THAP4: variants seen among roughly 807,000 people sequenced by gnomAD.
THAP4 encodes peroxynitrite isomerase THAP4.
In THAP4, 18 loss-of-function variants were observed where a neutral mutation model predicts 48.1. The observed-to-expected ratio is 0.37, with a 90% CI of 0.26 to 0.56. The LOEUF (loss-of-function observed/expected upper bound fraction) is 0.56, where lower values mean the gene tolerates loss of function less well. THAP4 is among the 20% of genes least tolerant of loss of function. THAP4 has a pLI of 0.78. For synonymous variants in THAP4, 345 were observed against 324.9 expected (o/e 1.06, Z -0.66); for missense variants, 656 against 774.9 (o/e 0.85, Z 1.82).
chr2:241,590,011 C>T (rs1467952536), intron 5 of THAP4, among the ~76,000 whole-genome samples: 3 of 151,752 alleles, frequency 2.0e-5, no homozygotes, highest in South Asian at 2.1e-4. Context: ...CACTAGGACA[C>T]TCAGAGCTGC....
chr2:241,599,545 G>A (rs2067088006), intron 5 of THAP4, among the ~76,000 whole-genome samples: 1 of 152,076 alleles, frequency 6.6e-6, no homozygotes, highest in Non-Finnish European at 1.5e-5. Flanking sequence ...AAACACTTGA[G>A]TTTACCCTAA....
chr2:241,629,885 G>A (rs992885636), intron 2 of THAP4, among the ~76,000 whole-genome samples: 1 of 151,858 alleles, frequency 6.6e-6, no homozygotes, highest in Non-Finnish European at 1.5e-5. Context: ...CAAGAAGCTA[G>A]GGAACGCTCT....
intron 2 of THAP4, among the ~76,000 whole-genome samples, chr2:241,620,146 G>T (rs1438904000): frequency 1.0e-5 from 1 of 98,470 alleles, no homozygotes. Context: ...GAGGGGTGAG[G>T]GGTGAGTGAG....
At chr2:241,617,492 C>T in intron 2 of THAP4, 1 of 1,545,748 alleles carries the variant, frequency 6.5e-7, no homozygotes, top group Non-Finnish European at 8.7e-7. Context: ...GAAATGTTTG[C>T]ACCTGGCTCT....
chr2:241,630,841 C>T (rs2067548854), intron 2 of THAP4, among the ~76,000 whole-genome samples: 1 of 149,746 alleles, frequency 6.7e-6, no homozygotes, highest in Non-Finnish European at 1.5e-5. Context: ...CTGTAGCCAA[C>T]ATGGTGAAAC....
rs189948252 is a variant in THAP4, at chr2:241,601,562, T to C, written c.1614+334A>G. Among the ~76,000 whole-genome samples the C allele has an allele frequency of 2.0e-5, 3 of 152,286 alleles. No homozygotes were observed. The highest frequency in any genetic ancestry group is 2.1e-4 in the South Asian group (1 of 4,826). ...CTAACAGTGTGTATCAAATTTAAAA[T>C]GTACCTGTCCTTTGATCCAGCAATT... On this transcript the variant is annotated intron_variant, in intron 5 of 5. Transcript: ENST00000407315. The surrounding 1 kb of genome is among the most constrained non-coding windows in gnomAD (Gnocchi z 4.0).
In THAP4 at chr2:241,601,480, G is replaced by A. The variant is rs2067112157; in HGVS notation, c.1614+416C>T. 6.6e-6 allele frequency among the ~76,000 whole-genome samples: 1 copy of A among 152,102 alleles called. No homozygotes were observed. Among genetic ancestry groups the A allele is most frequent in the South Asian group, 2.1e-4 (1 of 4,832 alleles). On this transcript the variant is annotated intron_variant, in intron 5 of 5. Coordinates refer to ENST00000407315, the MANE Select transcript of THAP4 (RefSeq NM_015963.6). This position sits in a 1 kb window ranked among gnomAD's most constrained non-coding sequence, Gnocchi z 4.0. Reference sequence around the variant, plus strand: ...AATACACCATGTTGTTAAGGAGTAGGGAACCAGCTGCCCTCATGCAAGAGA... The same window carrying A: ...AATACACCATGTTGTTAAGGAGTAGAGAACCAGCTGCCCTCATGCAAGAGA...
At chr2:241,617,585 G>A in intron 2 of THAP4, 3 of 938,942 alleles carry the variant, frequency 3.2e-6, no homozygotes, top group South Asian at 3.2e-5. Flanking sequence ...TCACGTCTCA[G>A]AAGAAAGTAA....
intron 2 of THAP4, among the ~76,000 whole-genome samples, chr2:241,613,291 C>T (rs1373717429): frequency 6.8e-6 from 1 of 146,190 alleles, no homozygotes; most frequent in Non-Finnish European, 1.5e-5. Flanking sequence ...AAAAAAAAAG[C>T]GGTTATAGAA....
intron 2 of THAP4, among the ~76,000 whole-genome samples, chr2:241,624,895 G>A (rs1428937174): frequency 2.6e-5 from 4 of 152,180 alleles, no homozygotes; most frequent in Non-Finnish European, 4.4e-5. Context: ...ACGGAAGGTG[G>A]TCGGAGCGCC....
At position 241,636,386 on chromosome 2, in the gene THAP4, G is replaced by A. The variant is rs146291780; in HGVS notation, c.77+555C>T. On this transcript the variant is annotated intron_variant, in intron 1 of 5. Transcript: ENST00000407315. ...TAGAGGGGTTTGGGCCCTGCCGCGG[G>A]GGCCCACGTGGGAAGCGGCCGAGAG... 5.8e-4 allele frequency among the ~76,000 whole-genome samples: 88 copies of A among 152,364 alleles called. 5 individuals carry two copies. The East Asian group carries it at 0.017, about 29-fold the overall frequency.
chr2:241,632,191 C>A (rs2125099332), intron 2 of THAP4, among the ~76,000 whole-genome samples: 2 of 152,248 alleles, frequency 1.3e-5, no homozygotes, highest in South Asian at 4.1e-4. Context: ...CTCCCAGGTT[C>A]AAGCAATCCA....
chr2:241,594,673 G>A (rs1284238209), intron 5 of THAP4: 5 of 224,836 alleles, frequency 2.2e-5, no homozygotes, highest in African/African-American at 4.6e-5. Context: ...TGGGAGGATC[G>A]CTCAAGCCTG....
At chr2:241,614,423 A>T (rs1236418593) in intron 2 of THAP4, among the ~76,000 whole-genome samples, 1 of 152,244 alleles carries the variant, frequency 6.6e-6, no homozygotes, top group African/African-American at 2.4e-5. Flanking sequence ...GCACAGCAAC[A>T]TCTATAAAGC....
Position 241,601,899 on chromosome 2 carries a change from C to G in THAP4, c.1611G>C (p.Glu537Asp). The G allele has an allele frequency of 6.2e-7, 1 of 1,614,006 alleles. No individual in the cohort carries two copies. Among genetic ancestry groups the G allele is most frequent in the Non-Finnish European group, 8.5e-7 (1 of 1,180,024 alleles). ...RISFAKEPHV[E>D]QITRKFRLNS... ...CTGGGAGCAGGGCTGGGCTCACCTG[C>G]TCTACGTGGGGCTCCTTGGCGAAGG... The change falls in exon 5 of 6, where the codon GAG becomes GAC. Residue 537 changes from glutamate to aspartate, a missense_variant. Glu to Asp is a conservative substitution (Grantham distance 45). This residue lies in a region of THAP4 where 176 missense variants were observed against 256.7 expected (regional missense o/e 0.69). Transcript: ENST00000407315. The surrounding 1 kb of genome is among the most constrained non-coding windows in gnomAD (Gnocchi z 4.0).
At chr2:241,602,056 C>A in intron 4 of THAP4, 57 bp from the exon 5 acceptor site, 1 of 1,536,858 alleles carries the variant, frequency 6.5e-7, no homozygotes, top group Admixed American at 1.7e-5. Flanking sequence ...AGAGAGGCAG[C>A]CTTGACTCTC....
upstream of THAP4, chr2:241,637,336 C>A (rs1559240469): frequency 1.6e-6 from 2 of 1,276,204 alleles, no homozygotes; most frequent in South Asian, 1.4e-5. Flanking sequence ...CGTACCGCGA[C>A]ATGGGCGCGC....
intron 1 of THAP4, among the ~76,000 whole-genome samples, chr2:241,634,655 T>A (rs915638205): frequency 2.0e-5 from 3 of 152,212 alleles, no homozygotes; most frequent in Non-Finnish European, 4.4e-5. Context: ...ATGCTCCTTT[T>A]AAAAGTCAAC....
intron 5 of THAP4, among the ~76,000 whole-genome samples, chr2:241,595,484 T>G (rs940952048): frequency 1.3e-5 from 2 of 151,476 alleles, no homozygotes; most frequent in African/African-American, 4.8e-5. Flanking sequence ...ATAAAAATAT[T>G]AAATTAGCCC....
Sources: gnomAD v4.1 joint callset for allele counts (sites outside exome capture counted in the v4.1 genomes callset) on GRCh38, gnomAD v4.1.1 for gene constraint, gnomAD v4.1.1 regional missense constraint, Gnocchi (gnomAD v3.1) non-coding constraint, MANE v1.5 for transcripts, NCBI Gene and HGNC (gene_info 2026-07-23, HGNC 2026-07-21) for gene names.